The following ANO3 variants were observed in gnomAD, a reference collection of about 807,000 sequenced individuals.
ANO3 encodes the protein anoctamin 3, also known as anoctamin-3.
Under a neutral mutation model 144.8 loss-of-function variants are expected in ANO3, and 99 were observed. That is an observed-to-expected ratio of 0.68 (90% CI 0.58 to 0.81). The LOEUF is 0.81. ANO3 is among the 30% of genes least tolerant of loss of function. The probability of loss-of-function intolerance (pLI) is 0.00; values close to 1 mark genes in which losing one functional copy is unlikely to be tolerated. For missense variants in ANO3, 905 were observed against 1,202.2 expected (o/e 0.75, Z 3.66); for synonymous variants, 414 against 392.6 (o/e 1.05, Z -0.64).
At chr11:26,441,412 C>T (rs117796624) in intron 1 of ANO3, among the ~76,000 whole-genome samples, 4,301 of 152,136 alleles carry the variant, frequency 0.028, 69 homozygotes, top group East Asian at 0.11. Context: ...CCACTGCGCC[C>T]GGCCTGCTGC....
At chr11:26,555,146 A>C (rs1020025394) in intron 13 of ANO3, among the ~76,000 whole-genome samples, 7 of 152,202 alleles carry the variant, frequency 4.6e-5, no homozygotes, top group African/African-American at 1.7e-4. Flanking sequence ...ACAAATGTTT[A>C]GTTTTTCATT....
intron 12 of ANO3, among the ~76,000 whole-genome samples, chr11:26,550,225 TTTA>T (rs1419735455): frequency 2.0e-5 from 3 of 151,684 alleles, no homozygotes; most frequent in African/African-American, 4.8e-5. Context: ...TAATTAATGT[TTTA>T]TTAATTTATA....
chr11:26,626,057 G>T (rs1049732206), intron 18 of ANO3, among the ~76,000 whole-genome samples: 1 of 152,120 alleles, frequency 6.6e-6, no homozygotes, highest in African/African-American at 2.4e-5. Context: ...TTCCAGCATT[G>T]TTACTGAGAG....
At chr11:26,335,098 G>A (rs1254477075) in intron 1 of ANO3, among the ~76,000 whole-genome samples, 2 of 152,146 alleles carry the variant, frequency 1.3e-5, no homozygotes, top group Non-Finnish European at 1.5e-5. Context: ...CTGTATGTAA[G>A]CCCTAATTTA....
chr11:26,520,453 G>A (rs545724737), intron 6 of ANO3, among the ~76,000 whole-genome samples: 2 of 152,048 alleles, frequency 1.3e-5, no homozygotes, highest in South Asian at 4.1e-4. Flanking sequence ...TCTTTATAAT[G>A]TTTTTCAAAA....
intron 11 of ANO3, among the ~76,000 whole-genome samples, chr11:26,542,410 G>A (rs1274372804): frequency 1.3e-5 from 2 of 152,028 alleles, no homozygotes; most frequent in Non-Finnish European, 2.9e-5. Flanking sequence ...TGAAAGTGAG[G>A]GGGAGGATGG....
At chr11:26,296,257 C>T (rs555390748) in intron 1 of ANO3, among the ~76,000 whole-genome samples, 1 of 152,248 alleles carries the variant, frequency 6.6e-6, no homozygotes, top group Admixed American at 6.5e-5. Flanking sequence ...AACCCTACTG[C>T]CTTAGGCAAG....
intron 14 of ANO3, among the ~76,000 whole-genome samples, chr11:26,564,580 A>G (rs1189437953): frequency 1.3e-5 from 2 of 149,382 alleles, no homozygotes; most frequent in East Asian, 4.0e-4. Context: ...TAATCCTTAA[A>G]TGAAACATAA....
chr11:26,333,106 T>C (rs529354629), intron 1 of ANO3, among the ~76,000 whole-genome samples: 4 of 152,200 alleles, frequency 2.6e-5, no homozygotes, highest in Non-Finnish European at 5.9e-5. Flanking sequence ...ATTGCCACTT[T>C]GCTGAATTAA....
intron 17 of ANO3, among the ~76,000 whole-genome samples, chr11:26,615,392 G>GTT (rs1446921882): frequency 5.4e-4 from 62 of 115,436 alleles, no homozygotes; most frequent in African/African-American, 2.0e-3. Context: ...GCTTCTGTCA[G>GTT]TTTATATATA....
intron 1 of ANO3, among the ~76,000 whole-genome samples, chr11:26,268,808 A>G (rs1170722399): frequency 6.6e-6 from 1 of 152,174 alleles, no homozygotes; most frequent in Non-Finnish European, 1.5e-5. Flanking sequence ...TAATTGCCCC[A>G]CACAACACAG....
At chr11:26,374,818 G>A (rs375257488) in intron 1 of ANO3, among the ~76,000 whole-genome samples, 33 of 152,232 alleles carry the variant, frequency 2.2e-4, no homozygotes, top group African/African-American at 2.6e-4. Context: ...ATGTTGGCTC[G>A]TTGCAACCTC....
chr11:26,328,366 A>G (rs1307766595), upstream of ANO3, among the ~76,000 whole-genome samples: 2 of 152,214 alleles, frequency 1.3e-5, no homozygotes, highest in African/African-American at 4.8e-5. Flanking sequence ...GAGAGAAACT[A>G]GAAGCAGGAA....
upstream of ANO3, among the ~76,000 whole-genome samples, chr11:26,307,834 C>A (rs1854419758): frequency 6.6e-6 from 1 of 151,776 alleles, no homozygotes; most frequent in South Asian, 2.1e-4. Context: ...GTGTTTTCAG[C>A]TTTCTTATAA....
chr11:26,200,006 G>A (rs567590363), intron 1 of ANO3, among the ~76,000 whole-genome samples: 27 of 152,138 alleles, frequency 1.8e-4, no homozygotes, highest in African/African-American at 6.5e-4. Flanking sequence ...GGCTTTAGTT[G>A]GTAATTCTGG....
At chr11:26,591,074 C>T (rs1427521717) in intron 14 of ANO3, among the ~76,000 whole-genome samples, 4 of 152,102 alleles carry the variant, frequency 2.6e-5, no homozygotes, top group African/African-American at 9.7e-5. Flanking sequence ...TTAGTGAGTC[C>T]TCTTTACTAC....
intron 1 of ANO3, among the ~76,000 whole-genome samples, chr11:26,228,694 G>T (rs1852311634): frequency 6.6e-6 from 1 of 152,122 alleles, no homozygotes; most frequent in Admixed American, 6.6e-5. Context: ...CTATCACAGG[G>T]CAAAATTAGG....
chr11:26,449,936 A>T lies in ANO3; in HGVS notation c.313+6100A>T, dbSNP rs556709152. ...CATCCGGCTAATTTTTGGTATTTTT[A>T]GTAGAGATGGGGTTTTACCATGTTG... On this transcript the variant is annotated intron_variant, in intron 3 of 26. Coordinates refer to ENST00000256737, the MANE Select transcript of ANO3 (RefSeq NM_031418.4). 1.8e-4 allele frequency among the ~76,000 whole-genome samples: 28 copies of T among 151,982 alleles called. No homozygotes were observed. The South Asian group carries it at 5.6e-3, about 30-fold the overall frequency.
At chr11:26,424,830 T>C (rs753360535) in intron 1 of ANO3, among the ~76,000 whole-genome samples, 4 of 151,992 alleles carry the variant, frequency 2.6e-5, no homozygotes, top group African/African-American at 4.8e-5. Context: ...GTATGGTGTT[T>C]TAGTAGTATT....
Sources: allele counts gnomAD v4.1 joint callset (sites outside exome capture counted in the v4.1 genomes callset), GRCh38; gene constraint gnomAD v4.1.1; transcripts MANE v1.5; gene names NCBI Gene and HGNC (gene_info 2026-07-23, HGNC 2026-07-21).